The following TERB1 variants were observed in gnomAD, a reference collection of about 807,000 sequenced individuals.
TERB1 encodes the protein telomere repeats-binding bouquet formation protein 1.
Under a neutral mutation model 92.3 loss-of-function variants are expected in TERB1, and 63 were observed. The ratio of observed to expected loss-of-function variants is 0.68; its 90% confidence interval spans 0.56 to 0.84. TERB1 has a LOEUF of 0.84. Ranked by LOEUF, TERB1 falls within the 40% of genes least tolerant of loss-of-function variation. The probability of loss-of-function intolerance (pLI) is 0.00; values close to 1 mark genes in which losing one functional copy is unlikely to be tolerated. For synonymous variants in TERB1, 252 were observed against 283.9 expected, an observed-to-expected ratio of 0.89 and a Z score of 1.13; for missense variants, 709 against 843.7, an observed-to-expected ratio of 0.84 and a Z score of 1.98.
chr16:66,768,247 T>G, intron 14 of TERB1, 79 bp from the exon 15 acceptor site: 1 of 1,197,204 alleles, frequency 8.4e-7, no homozygotes, highest in Admixed American at 2.4e-5. Context: ...TAAGCAGTGT[T>G]GTGATTTTCG....
Position 66,786,001 on chromosome 16 carries a change from G to T in TERB1, c.577+13C>A. ...TATCTTTATTTTTATATTTAAACAT[G>T]ACAGATAATTACCATTTTGAGGATT... On this transcript the variant is annotated intron_variant, in intron 8 of 18. Transcript: ENST00000433154. 6.5e-7 allele frequency: 1 copy of T among 1,536,608 alleles called. No individual in the cohort carries two copies. The highest frequency in any genetic ancestry group is 1.2e-5 in the South Asian group (1 of 81,676).
In TERB1 at chr16:66,768,100, A is replaced by C. The variant is rs2145108484; in HGVS notation, c.1684+4T>G. On this transcript the variant is annotated splice_donor_region_variant and intron_variant, in intron 15 of 18. Coordinates refer to ENST00000433154, the MANE Select transcript of TERB1 (RefSeq NM_001136505.2). The stretch of plus-strand genomic sequence containing the variant: ...AAAAACCAAAGAAACATTTTTAATC[A>C]TACCTGTTACTGGTAACTGCTGCTT... 6.5e-7 allele frequency: 1 copy of C among 1,545,234 alleles called. No individual in the cohort carries two copies. The highest frequency in any genetic ancestry group is 8.8e-7 in the Non-Finnish European group (1 of 1,141,816).
Position 66,790,907 on chromosome 16 carries a change from A to G in TERB1, c.142+2T>C. 1 of 1,530,142 alleles carries G rather than the reference A, an allele frequency of 6.5e-7. No homozygotes were observed. Among genetic ancestry groups the G allele is most frequent in the Non-Finnish European group, 8.9e-7 (1 of 1,129,610 alleles). The allele number at this position is 1,530,142 out of a possible 1,614,324, so 94.8% of individuals were successfully genotyped here. ...AGATAAAAATTCACTATTATATCTT[A>G]CTGTTTTGTTGACAAATTGAATGAA... On this transcript the variant is annotated splice_donor_variant, in intron 4 of 18. Coordinates refer to ENST00000433154, the MANE Select transcript of TERB1 (RefSeq NM_001136505.2). LOFTEE classifies it high-confidence loss of function.
Position 66,758,782 on chromosome 16 carries a change from C to T in TERB1, c.1987G>A (p.Gly663Arg). The T allele has an allele frequency of 1.3e-6, 2 of 1,529,070 alleles. No individual in the cohort carries two copies. The highest frequency in any genetic ancestry group is 1.8e-6 in the Non-Finnish European group (2 of 1,129,520). The allele number at this position is 1,529,070 out of a possible 1,614,324, so 94.7% of individuals were successfully genotyped here. ...QRLSNESTTP[G>R]GIKKRRIRKN... ...AATTAAATATATTCACTTATTCCTC[C>T]AGGGGTAGTAGATTCATTACTGAGT... is the stretch of plus-strand genomic sequence containing the variant. Residue 663 changes from glycine to arginine, a missense_variant, in exon 18 of 19, where the codon GGA (glycine) becomes AGA (arginine). Transcript: ENST00000433154.
chr16:66,761,915 T>C (rs2018256819), intron 16 of TERB1, among the ~76,000 whole-genome samples: 1 of 152,106 alleles, frequency 6.6e-6, no homozygotes, highest in African/African-American at 2.4e-5. Flanking sequence ...TAGCTAAGTG[T>C]ATTGGCGCGC....
Position 66,768,122 on chromosome 16 carries a change from G to T in TERB1, c.1666C>A (p.Gln556Lys), listed in dbSNP as rs1212040785. 1.9e-6 allele frequency: 3 copies of T among 1,550,330 alleles called. No individual in the cohort carries two copies. The highest frequency in any genetic ancestry group is 2.6e-6 in the Non-Finnish European group (3 of 1,145,954). Reference protein sequence around the residue: ...HPVHIAKNIKQQLPVTDPFTL... With the variant: ...HPVHIAKNIKKQLPVTDPFTL... ...ATCATACCTGTTACTGGTAACTGCT[G>T]CTTTATATTTTTGGCAATGTGAACT... The change falls in exon 15 of 19, where the codon CAG becomes AAG. Residue 556 changes from glutamine (Q) to lysine (K), a missense_variant. Transcript: ENST00000433154.
At chr16:66,776,491 G>A (rs2018551357) in intron 11 of TERB1, among the ~76,000 whole-genome samples, 1 of 152,084 alleles carries the variant, frequency 6.6e-6, no homozygotes, top group African/African-American at 2.4e-5. Flanking sequence ...AAATTACACA[G>A]AGGTTAAGGG....
At chr16:66,785,709 A>G (rs1160856926) in intron 9 of TERB1, 77 bp downstream of exon 9, 1 of 1,354,202 alleles carries the variant, frequency 7.4e-7, no homozygotes, top group Non-Finnish European at 9.8e-7. Flanking sequence ...AATTGATTCA[A>G]TAATAAATTC....
intron 18 of TERB1, among the ~76,000 whole-genome samples, chr16:66,755,986 A>G (rs927256840): frequency 6.6e-6 from 1 of 152,224 alleles, no homozygotes; most frequent in African/African-American, 2.4e-5. Flanking sequence ...AGGCTGCACA[A>G]TGAGGAAGGA....
intron 2 of TERB1, among the ~76,000 whole-genome samples, chr16:66,799,480 G>A (rs1226379286): frequency 3.3e-5 from 5 of 152,098 alleles, no homozygotes; most frequent in South Asian, 2.1e-4. Context: ...CACCCGCCTC[G>A]GCCTCCGAAA....
chr16:66,759,332 A>G (rs2018191142), intron 16 of TERB1, 42 bp from the exon 17 acceptor site: 6 of 1,425,710 alleles, frequency 4.2e-6, no homozygotes, highest in Non-Finnish European at 4.7e-6. Context: ...ATGTCACAAA[A>G]TATCTAGTAA....
At chr16:66,787,932 T>C (rs1371639782) in intron 6 of TERB1, among the ~76,000 whole-genome samples, 7 of 152,054 alleles carry the variant, frequency 4.6e-5, no homozygotes, top group African/African-American at 1.4e-4. Context: ...CATGATAGCA[T>C]GTGCCTGTAA....
chr16:66,797,315 A>C (rs1320783979), intron 2 of TERB1, among the ~76,000 whole-genome samples: 1 of 148,536 alleles, frequency 6.7e-6, no homozygotes, highest in African/African-American at 2.5e-5. Context: ...GACTCCCTGC[A>C]GCCTTGACCT....
chr16:66,778,279 T>C (rs1421393252), intron 10 of TERB1, among the ~76,000 whole-genome samples: 1 of 152,200 alleles, frequency 6.6e-6, no homozygotes, highest in Non-Finnish European at 1.5e-5. Context: ...TTTTTTTTTT[T>C]TGAGAGATGG....
At chr16:66,758,684 T>G in intron 18 of TERB1, 89 bp downstream of exon 18, 2 of 746,066 alleles carry the variant, frequency 2.7e-6, no homozygotes, top group Non-Finnish European at 4.4e-6. Flanking sequence ...GAGGCTGCAG[T>G]GAGCCGAGAT....
chr16:66,796,946 CT>C (rs1959198878), intron 2 of TERB1, 116 bp from the exon 3 acceptor site: 1 of 552,300 alleles, frequency 1.8e-6, no homozygotes, highest in African/African-American at 1.9e-5. Context: ...GGAACTACAA[CT>C]TTTAAAATAA....
At chr16:66,765,024 A>G (rs2018314886) in intron 16 of TERB1, among the ~76,000 whole-genome samples, 1 of 152,240 alleles carries the variant, frequency 6.6e-6, no homozygotes, top group African/African-American at 2.4e-5. Context: ...AGAACTGCGT[A>G]GGTGCTATAG....
intron 16 of TERB1, among the ~76,000 whole-genome samples, chr16:66,766,844 G>T (rs2018354071): frequency 6.6e-6 from 1 of 152,038 alleles, no homozygotes; most frequent in South Asian, 2.1e-4. Flanking sequence ...ACAAGGTCTC[G>T]CTATGTTGAC....
Position 66,754,994 on chromosome 16 carries a change from G to A in TERB1, c.2166C>T (p.Pro722=), listed in dbSNP as rs192771159. The change falls in exon 19 of 19, where the codon CCC becomes CCT. Residue 722 remains proline, a synonymous_variant. Coordinates refer to ENST00000433154, the MANE Select transcript of TERB1 (RefSeq NM_001136505.2). The part of the protein sequence containing the change: ...AHKYHKLTKH[P]TCAAS ...CTTTCAATCAAGAAGCTGCACACGTGGGGTGTTTGGTCAGCTTGTGGTATT... is the reference window on the plus strand; with the variant it reads ...CTTTCAATCAAGAAGCTGCACACGTAGGGTGTTTGGTCAGCTTGTGGTATT... 1.2e-5 allele frequency: 18 copies of A among 1,550,796 alleles called. No individual in the cohort carries two copies. The African/African-American group carries it at 1.4e-4, about 12-fold the overall frequency.
Sources: gnomAD v4.1 joint callset for allele counts (sites outside exome capture counted in the v4.1 genomes callset) on GRCh38, gnomAD v4.1.1 for gene constraint, MANE v1.5 for transcripts, NCBI Gene and HGNC (gene_info 2026-07-23, HGNC 2026-07-21) for gene names.